Variants in KCNIP4 observed in about 807,000 individuals in gnomAD.
KCNIP4 encodes the protein Kv channel-interacting protein 4.
Under a neutral mutation model 34.0 loss-of-function variants are expected in KCNIP4, and 12 were observed. That is an observed-to-expected ratio of 0.35 (90% CI 0.23 to 0.57). KCNIP4 has a LOEUF of 0.57. Ranked by LOEUF, KCNIP4 falls within the 20% of genes least tolerant of loss-of-function variation. KCNIP4 has a pLI of 0.83. For synonymous variants in KCNIP4, 124 were observed against 102.2 expected (o/e 1.21, Z -1.29); for missense variants, 238 against 311.7 (o/e 0.76, Z 1.78).
chr4:21,789,385 A>G (rs969814687), intron 1 of KCNIP4, among the ~76,000 whole-genome samples: 8 of 146,718 alleles, frequency 5.5e-5, no homozygotes, highest in Non-Finnish European at 1.0e-4. Context: ...TTCAAATTAG[A>G]CAATGGAAAC....
At chr4:21,403,605 G>A (rs929896437) in intron 1 of KCNIP4, among the ~76,000 whole-genome samples, 1 of 152,094 alleles carries the variant, frequency 6.6e-6, no homozygotes, top group African/African-American at 2.4e-5. Flanking sequence ...CTAATAGAAC[G>A]ACTTCCGTGT....
chr4:21,159,315 T>G (rs578251331), intron 1 of KCNIP4, among the ~76,000 whole-genome samples: 1 of 152,318 alleles, frequency 6.6e-6, no homozygotes, highest in Admixed American at 6.5e-5. Flanking sequence ...AGAATATTGA[T>G]TTTTAATAAT....
rs1230012484 is a variant in KCNIP4, at chr4:21,694,931, T to TAA, written c.61+253638_61+253639dup. On this transcript the variant is annotated intron_variant, in intron 1 of 8. Coordinates refer to ENST00000382152, the MANE Select transcript of KCNIP4 (RefSeq NM_025221.6). ...CGATTGACCAAAAAAAAAAAAAAAA[T>TAA]AAAAATAAATAAATAAATAAAGGGC... 4.5e-3 allele frequency among the ~76,000 whole-genome samples: 212 copies of TAA among 47,370 alleles called. 10 individuals are homozygous for TAA. The highest frequency in any genetic ancestry group is 0.013 in the African/African-American group (201 of 15,452). 31.1% of individuals were successfully genotyped at this position (47,370 alleles called of 152,430 possible).
chr4:21,939,595 C>T lies in KCNIP4; in HGVS notation c.61+8976G>A, dbSNP rs532342354. ...TTCCTCCCCACAACTTTTAAATTAA[C>T]ACAGTGCACCTACGTTTCAGAGTAT... On this transcript the variant is annotated intron_variant, in intron 1 of 8. Transcript: ENST00000382152. Among the ~76,000 whole-genome samples the T allele has an allele frequency of 9.9e-5, 15 of 152,222 alleles. No homozygotes were observed. In the East Asian group the frequency reaches 1.5e-3, roughly 16 times the overall value.
At chr4:21,796,597 G>A (rs202074526) in intron 1 of KCNIP4, among the ~76,000 whole-genome samples, 15 of 152,126 alleles carry the variant, frequency 9.9e-5, no homozygotes, top group Admixed American at 3.9e-4. Flanking sequence ...TCTTAAAAGC[G>A]TTCACCTAAT....
intron 1 of KCNIP4, among the ~76,000 whole-genome samples, chr4:21,800,631 G>C (rs1345389717): frequency 6.6e-6 from 1 of 152,138 alleles, no homozygotes; most frequent in East Asian, 1.9e-4. Context: ...TGTTTTCGAT[G>C]AATGGTTTCT....
chr4:20,993,861 C>G (rs997829369), intron 1 of KCNIP4, among the ~76,000 whole-genome samples: 1 of 152,178 alleles, frequency 6.6e-6, no homozygotes, highest in Non-Finnish European at 1.5e-5. Flanking sequence ...GGCAGGACCA[C>G]GTTCCTATTG....
intron 1 of KCNIP4, among the ~76,000 whole-genome samples, chr4:21,720,327 A>G (rs930634995): frequency 6.6e-6 from 1 of 152,208 alleles, no homozygotes; most frequent in African/African-American, 2.4e-5. Flanking sequence ...GTGCAACAAA[A>G]GAAAATATTC....
intron 8 of KCNIP4, among the ~76,000 whole-genome samples, chr4:20,730,619 A>G (rs1034587273): frequency 2.0e-5 from 3 of 152,106 alleles, no homozygotes; most frequent in Non-Finnish European, 4.4e-5. Flanking sequence ...GTTTGCAGTA[A>G]TCATCTCTCT....
chr4:20,916,985 TTATATATATATATATATATA>T lies in KCNIP4; in HGVS notation c.62-34296_62-34277del, dbSNP rs1157104290. Among the ~76,000 whole-genome samples the T allele has an allele frequency of 2.3e-3, 93 of 41,314 alleles. 1 individual carries two copies. Among genetic ancestry groups the T allele is most frequent in the African/African-American group, 9.4e-3 (70 of 7,450 alleles). The allele number at this position is 41,314 out of a possible 152,430, so 27.1% of individuals were successfully genotyped here. On this transcript the variant is annotated intron_variant, in intron 1 of 8. Coordinates refer to ENST00000382152, the MANE Select transcript of KCNIP4 (RefSeq NM_025221.6). ...TCTTCCACCATTGACCATCTTATGT[TTATATATATATATATATATA>T]TATATATATATATATATATATATAT... is the stretch of plus-strand genomic sequence containing the variant.
chr4:20,964,233 C>T (rs1458601969), intron 1 of KCNIP4, among the ~76,000 whole-genome samples: 1 of 152,088 alleles, frequency 6.6e-6, no homozygotes, highest in Non-Finnish European at 1.5e-5. Flanking sequence ...TGAGAGAACA[C>T]AGAATGTGTA....
At chr4:21,497,561 C>A (rs1183999587) in intron 1 of KCNIP4, among the ~76,000 whole-genome samples, 1 of 152,094 alleles carries the variant, frequency 6.6e-6, no homozygotes, top group Non-Finnish European at 1.5e-5. Context: ...CCTGTATTTT[C>A]ATTAAAGCTA....
chr4:21,419,642 T>C (rs748926470), intron 1 of KCNIP4, among the ~76,000 whole-genome samples: 4 of 152,104 alleles, frequency 2.6e-5, no homozygotes, highest in Non-Finnish European at 4.4e-5. Flanking sequence ...TTATTTATCA[T>C]TGTTGATTTT....
intron 1 of KCNIP4, among the ~76,000 whole-genome samples, chr4:21,207,163 G>A (rs1299930603): frequency 6.6e-6 from 1 of 152,064 alleles, no homozygotes; most frequent in Non-Finnish European, 1.5e-5. Flanking sequence ...CTGTGTTTCT[G>A]AATTTTGGTA....
chr4:21,937,671 C>G (rs1240747852), intron 1 of KCNIP4, among the ~76,000 whole-genome samples: 1 of 151,942 alleles, frequency 6.6e-6, no homozygotes, highest in Non-Finnish European at 1.5e-5. Context: ...TTCAACCGAA[C>G]CTCCATCTCT....
intron 5 of KCNIP4, among the ~76,000 whole-genome samples, chr4:20,740,153 A>G (rs1489070498): frequency 9.9e-5 from 15 of 152,186 alleles, no homozygotes; most frequent in Non-Finnish European, 2.2e-4. Context: ...CAAGTTGGAA[A>G]ACACCCTTCA....
intron 1 of KCNIP4, among the ~76,000 whole-genome samples, chr4:21,813,571 T>A (rs55842595): frequency 6.6e-6 from 1 of 151,996 alleles, no homozygotes; most frequent in South Asian, 2.1e-4. Flanking sequence ...CCATTTGTAC[T>A]CATGATAAAT....
chr4:21,418,307 TG>T (rs1237578024), intron 1 of KCNIP4, among the ~76,000 whole-genome samples: 1 of 152,046 alleles, frequency 6.6e-6, no homozygotes, highest in African/African-American at 2.4e-5. Flanking sequence ...GATCTCCCTG[TG>T]CATATAATAG....
rs555271277 is a variant in KCNIP4, at chr4:21,601,105, CA to C, written c.61+347465del. Among the ~76,000 whole-genome samples the C allele has an allele frequency of 4.7e-5, 7 of 147,838 alleles. No homozygotes were observed. The South Asian group carries it at 1.3e-3, about 27-fold the overall frequency. On this transcript the variant is annotated intron_variant, in intron 1 of 8. Transcript: ENST00000382152. ...TCATTTAATCCCCCAACCGTTTTCA[CA>C]GGCACCAGTGTCCTAGGGTTCTATC... is the stretch of plus-strand genomic sequence containing the variant.
Sources: gnomAD v4.1 joint callset for allele counts (sites outside exome capture counted in the v4.1 genomes callset) on GRCh38, gnomAD v4.1.1 for gene constraint, MANE v1.5 for transcripts, NCBI Gene and HGNC (gene_info 2026-07-23, HGNC 2026-07-21) for gene names.